The following SUGCT variants were observed in gnomAD, a reference collection of about 807,000 sequenced individuals.
SUGCT encodes the protein succinyl-CoA:glutarate-CoA transferase.
SUGCT carries 41 observed loss-of-function variants against 55.0 expected under a neutral mutation model. That is an observed-to-expected ratio of 0.74 (90% CI 0.58 to 0.97). SUGCT has a LOEUF of 0.97. SUGCT is among the 50% of genes least tolerant of loss of function. SUGCT has a pLI of 0.00. For missense variants in SUGCT, 568 were observed against 547.8 expected (o/e 1.04, Z -0.37); for synonymous variants, 187 against 200.4 (o/e 0.93, Z 0.56).
chr7:40,645,487 T>G (rs1286786539), intron 12 of SUGCT, among the ~76,000 whole-genome samples: 1 of 152,184 alleles, frequency 6.6e-6, no homozygotes, highest in Non-Finnish European at 1.5e-5. Context: ...TCTATTCAAT[T>G]GCTTGCAAAG....
intron 12 of SUGCT, among the ~76,000 whole-genome samples, chr7:40,646,866 A>G (rs1167542856): frequency 2.0e-5 from 3 of 152,174 alleles, no homozygotes; most frequent in African/African-American, 7.2e-5. Flanking sequence ...TTCAGCATCT[A>G]GTAAGTACAG....
chr7:40,557,556 T>A (rs1795613229), intron 12 of SUGCT, among the ~76,000 whole-genome samples: 1 of 152,116 alleles, frequency 6.6e-6, no homozygotes, highest in Non-Finnish European at 1.5e-5. Context: ...GCGGATCACC[T>A]GAAGTCAGGA....
intron 12 of SUGCT, among the ~76,000 whole-genome samples, chr7:40,627,690 G>C (rs1363037557): frequency 6.6e-6 from 1 of 152,032 alleles, no homozygotes; most frequent in African/African-American, 2.4e-5. Context: ...CAGAAAAGGT[G>C]GGGGTTTGCA....
At chr7:40,762,804 A>G (rs1320077878) in intron 13 of SUGCT, among the ~76,000 whole-genome samples, 1 of 151,504 alleles carries the variant, frequency 6.6e-6, no homozygotes, top group Admixed American at 6.6e-5. Flanking sequence ...GAAGCATAAA[A>G]CAACTCTCTT....
the SUGCT span, among the ~76,000 whole-genome samples, chr7:41,007,128 TC>T: frequency 6.6e-6 from 1 of 152,016 alleles, no homozygotes; most frequent in Admixed American, 6.5e-5. Context: ...TGGAAACAAA[TC>T]CTATTTTATT....
chr7:40,823,482 G>A (rs972287098), intron 13 of SUGCT, among the ~76,000 whole-genome samples: 1 of 152,000 alleles, frequency 6.6e-6, no homozygotes, highest in Non-Finnish European at 1.5e-5. Flanking sequence ...GAGAATGAAG[G>A]TGGTAACTGT....
chr7:40,805,350 C>T (rs1329433468), intron 13 of SUGCT, among the ~76,000 whole-genome samples: 8 of 152,178 alleles, frequency 5.3e-5, no homozygotes, highest in Non-Finnish European at 8.8e-5. Context: ...TTCTGCCCCC[C>T]GGAAGTTCTC....
intron 12 of SUGCT, among the ~76,000 whole-genome samples, chr7:40,723,987 C>T (rs1786481617): frequency 6.6e-6 from 1 of 152,088 alleles, no homozygotes; most frequent in African/African-American, 2.4e-5. Context: ...TTATAAGAAA[C>T]ACATGTGAAA....
At chr7:40,617,862 C>T (rs953143220) in intron 12 of SUGCT, among the ~76,000 whole-genome samples, 1 of 152,086 alleles carries the variant, frequency 6.6e-6, no homozygotes, top group Non-Finnish European at 1.5e-5. Flanking sequence ...TGTTCAACAT[C>T]ATGTCTTCCT....
At chr7:40,825,146 C>T (rs1271630159) in intron 13 of SUGCT, among the ~76,000 whole-genome samples, 1 of 152,186 alleles carries the variant, frequency 6.6e-6, no homozygotes, top group Admixed American at 6.5e-5. Context: ...GTAGTATACA[C>T]AACCTTCACT....
Position 40,858,232 on chromosome 7 carries a change from C to T in SUGCT, c.1154-2084C>T, listed in dbSNP as rs57639595. 9.3e-3 allele frequency among the ~76,000 whole-genome samples: 1,408 copies of T among 151,720 alleles called. 21 individuals carry two copies. Among genetic ancestry groups the T allele is most frequent in the African/African-American group, 0.032 (1,336 of 41,354 alleles). ...CAGCCTGACCAACGTGGAGAAACCCCGTCTCTACTAAAAATACAAAATTAG... is the reference window on the plus strand; with the variant it reads ...CAGCCTGACCAACGTGGAGAAACCCTGTCTCTACTAAAAATACAAAATTAG... On this transcript the variant is annotated intron_variant, in intron 13 of 13. Transcript: ENST00000335693.
the SUGCT span, among the ~76,000 whole-genome samples, chr7:40,875,906 G>T: frequency 6.6e-6 from 1 of 152,158 alleles, no homozygotes; most frequent in East Asian, 1.9e-4. Context: ...ACATGAACAA[G>T]AAATAATGCC....
chr7:41,010,726 A>C, the SUGCT span, among the ~76,000 whole-genome samples: 1 of 152,216 alleles, frequency 6.6e-6, no homozygotes, highest in African/African-American at 2.4e-5. Flanking sequence ...TCCAATTAGG[A>C]TACCACATGT....
chr7:40,969,007 C>T, the SUGCT span, among the ~76,000 whole-genome samples: 1 of 152,216 alleles, frequency 6.6e-6, no homozygotes, highest in African/African-American at 2.4e-5. Context: ...CCTCTTATTC[C>T]AGCTCCTGCT....
intron 1 of SUGCT, among the ~76,000 whole-genome samples, chr7:40,178,081 A>G (rs1047188868): frequency 6.6e-6 from 1 of 152,340 alleles, no homozygotes; most frequent in East Asian, 1.9e-4. Context: ...TGTTTGAATC[A>G]GGCTCTAAGT....
intron 9 of SUGCT, among the ~76,000 whole-genome samples, chr7:40,417,096 T>G (rs923292762): frequency 2.0e-5 from 3 of 152,034 alleles, no homozygotes; most frequent in African/African-American, 7.2e-5. Context: ...ATATCTGTTT[T>G]TATTTTCTGC....
chr7:40,270,645 T>C (rs547731396), intron 7 of SUGCT, among the ~76,000 whole-genome samples: 1 of 152,346 alleles, frequency 6.6e-6, no homozygotes, highest in Admixed American at 6.5e-5. Context: ...TTGTGAGTCC[T>C]CTAACTTTGT....
chr7:40,707,847 T>C (rs781690831), intron 12 of SUGCT, among the ~76,000 whole-genome samples: 68 of 152,356 alleles, frequency 4.5e-4, no homozygotes, highest in Admixed American at 1.1e-3. Flanking sequence ...TTGACTTCTT[T>C]TGTTAAAACT....
chr7:40,292,345 C>A (rs1562652440), intron 8 of SUGCT, among the ~76,000 whole-genome samples: 2 of 151,996 alleles, frequency 1.3e-5, no homozygotes, highest in African/African-American at 4.8e-5. Flanking sequence ...TTTAAAGTTC[C>A]AGAAACACTG....
Sources: allele counts gnomAD v4.1 joint callset (sites outside exome capture counted in the v4.1 genomes callset), GRCh38; gene constraint gnomAD v4.1.1; transcripts MANE v1.5; gene names NCBI Gene and HGNC (gene_info 2026-07-23, HGNC 2026-07-21).